NLRC4: variants seen among roughly 807,000 people sequenced by gnomAD.
NLRC4 encodes NLR family CARD domain containing 4, also known as NLR family CARD domain-containing protein 4.
In NLRC4, 63 loss-of-function variants were observed where a neutral mutation model predicts 79.9. The observed-to-expected ratio is 0.79, with a 90% CI of 0.64 to 0.97. The LOEUF (loss-of-function observed/expected upper bound fraction) is 0.97. Ranked by LOEUF, NLRC4 falls within the 50% of genes least tolerant of loss-of-function variation. The pLI, the probability that NLRC4 is intolerant of heterozygous loss-of-function variation, is 0.00. For synonymous variants in NLRC4, 461 were observed against 456.5 expected, an observed-to-expected ratio of 1.01 and a Z score of -0.12; for missense variants, 1,074 against 1,215.2, an observed-to-expected ratio of 0.88 and a Z score of 1.73.
intron 8 of NLRC4, among the ~76,000 whole-genome samples, chr2:32,233,350 T>TATATATATATATATATATATATA (rs1491211096): frequency 1.2e-4 from 3 of 24,430 alleles, no homozygotes; most frequent in African/African-American, 1.9e-4. Context: ...TATATATATA[T>TATATATATATATATATATATATA]TTTTTTTTTT....
intron 8 of NLRC4, among the ~76,000 whole-genome samples, chr2:32,228,648 A>G (rs948820689): frequency 7.2e-5 from 11 of 152,244 alleles, no homozygotes; most frequent in African/African-American, 2.2e-4. Flanking sequence ...CTCAGCAACA[A>G]TAAGATGCTA....
chr2:32,263,487 G>A (rs1687399287), intron 1 of NLRC4, among the ~76,000 whole-genome samples: 1 of 152,188 alleles, frequency 6.6e-6, no homozygotes, highest in Non-Finnish European at 1.5e-5. Flanking sequence ...GTTAATATTA[G>A]TGTTATGTGC....
chr2:32,245,742 A>G (rs1167591616), intron 4 of NLRC4, among the ~76,000 whole-genome samples: 1 of 152,192 alleles, frequency 6.6e-6, no homozygotes, highest in Non-Finnish European at 1.5e-5. Context: ...AAATATATAT[A>G]CCTACTATGT....
intron 1 of NLRC4, among the ~76,000 whole-genome samples, chr2:32,260,601 G>A (rs1422392153): frequency 6.6e-6 from 1 of 152,152 alleles, no homozygotes; most frequent in African/African-American, 2.4e-5. Context: ...CAAGCTGCAA[G>A]TATAGATAAG....
At chr2:32,236,154 T>G (rs1686667154) in intron 7 of NLRC4, 93 bp downstream of exon 7, 1 of 714,746 alleles carries the variant, frequency 1.4e-6, no homozygotes, top group African/African-American at 1.8e-5. Context: ...AAGGCACACA[T>G]GGGTATAAAA....
At chr2:32,252,746 C>T (rs757699639) in intron 2 of NLRC4, 67 bp from the exon 3 acceptor site, 83 of 1,395,722 alleles carry the variant, frequency 5.9e-5, no homozygotes, top group Admixed American at 5.4e-5. Flanking sequence ...CGGCTGGGCA[C>T]GGTGGCTCAC....
rs757848668 is a variant in NLRC4, at chr2:32,224,545, C to T, written c.3003G>A (p.Arg1001=). The T allele has an allele frequency of 2.5e-6, 4 of 1,613,838 alleles. No homozygotes were observed. The Admixed American group carries it at 6.7e-5, about 27-fold the overall frequency. ...LSKLTFLQEA[R]LVGWQFDDDD... is the part of the protein sequence containing the mutation. ...CATCATCAAATTGCCACCCAACAAG[C>T]CTAGCTTCTTGCAGAAAAGTTAACT... Residue 1001 remains arginine (R), a synonymous_variant, in exon 9 of 9, where the codon AGG becomes AGA. Transcript: ENST00000402280.
At chr2:32,252,305 A>C in intron 3 of NLRC4, 114 bp downstream of exon 3, 1 of 759,398 alleles carries the variant, frequency 1.3e-6, no homozygotes, top group Non-Finnish European at 2.2e-6. Context: ...ATCAAAGGCC[A>C]CTGCCAGGTG....
intron 1 of NLRC4, among the ~76,000 whole-genome samples, chr2:32,263,016 G>C (rs1296494874): frequency 2.6e-5 from 4 of 151,878 alleles, no homozygotes; most frequent in Middle Eastern, 3.2e-3. Context: ...ATGCCCAGCT[G>C]GAAAATAATA....
intron 1 of NLRC4, among the ~76,000 whole-genome samples, chr2:32,259,475 A>C (rs1178720010): frequency 1.3e-5 from 2 of 151,600 alleles, no homozygotes; most frequent in Non-Finnish European, 2.9e-5. Flanking sequence ...TTCATTTATC[A>C]ATCTATTTTA....
chr2:32,225,579 C>T (rs1383545874), intron 8 of NLRC4, among the ~76,000 whole-genome samples: 1 of 152,088 alleles, frequency 6.6e-6, no homozygotes, highest in African/African-American at 2.4e-5. Context: ...ACAGATTGGC[C>T]AGTATACAAC....
intron 3 of NLRC4, among the ~76,000 whole-genome samples, chr2:32,251,986 AAAC>A (rs1396821197): frequency 6.6e-6 from 1 of 152,218 alleles, no homozygotes; most frequent in African/African-American, 2.4e-5. Flanking sequence ...AAAAAAATAA[AAAC>A]AATATTTTAT....
rs568376280 is a variant in NLRC4 at position 32,224,801 on chromosome 2, AATTT to A, written c.2783-40_2783-37del. ...AAATAAGTATATTAGTTGGAAGAAA[AATTT>A]TTTTTAAAAAAAAAGAGAAATAGGT... On this transcript the variant is annotated intron_variant, in intron 8 of 8. Coordinates refer to ENST00000402280, the MANE Select transcript of NLRC4 (RefSeq NM_001199138.2). 4.8e-3 allele frequency: 5,576 copies of A among 1,162,370 alleles called. 171 individuals are homozygous for A. In the African/African-American group the frequency reaches 0.089, roughly 19 times the overall value. The allele number at this position is 1,162,370 out of a possible 1,614,324, so 72.0% of individuals were successfully genotyped here.
At chr2:32,249,335 G>T (rs1687008907) in intron 4 of NLRC4, among the ~76,000 whole-genome samples, 2 of 152,148 alleles carry the variant, frequency 1.3e-5, no homozygotes, top group South Asian at 2.1e-4. Context: ...CATGTATCAA[G>T]ACCACCTTCA....
rs773809612 is a variant in NLRC4, at chr2:32,250,954, T to C, written c.910A>G (p.Ser304Gly). Residue 304 changes from serine (S) to glycine (G), a missense_variant, in exon 4 of 9, where the codon AGC (serine) becomes GGC (glycine). Physicochemically the swap from Ser to Gly is moderately conservative, Grantham distance 56 (BLOSUM62 0). Coordinates refer to ENST00000402280, the MANE Select transcript of NLRC4 (RefSeq NM_001199138.2). This position sits in a 1 kb window ranked among gnomAD's most constrained non-coding sequence, Gnocchi z 4.9. Reference protein sequence around the residue: ...TAEVGDMTEDSAQALIREVLI... With the variant: ...TAEVGDMTEDGAQALIREVLI... ...ACTTCTCGGATGAGAGCCTGGGCGC[T>C]GTCTTCTGTCATATCCCCCACCTCA... 3 of 1,614,192 alleles carry C rather than the reference T, an allele frequency of 1.9e-6. No individual in the cohort carries two copies. The South Asian group carries it at 3.3e-5, about 18-fold the overall frequency.
chr2:32,236,424 T>TC lies in NLRC4; in HGVS notation c.2522-86_2522-85insG, dbSNP rs55638726. On this transcript the variant is annotated intron_variant, in intron 6 of 8. Coordinates refer to ENST00000402280, the MANE Select transcript of NLRC4 (RefSeq NM_001199138.2). ...AAGTATCCTTAGAATAATTCTGAGT[T>TC]TTATCTTCTCTGCTAATGGTAGTGC... 782,329 of 801,100 alleles carry TC rather than the reference T, an allele frequency of 0.98. 382,139 individuals are homozygous for TC. The highest frequency in any genetic ancestry group is 1 in the East Asian group (37,744 of 37,756). 49.6% of individuals were successfully genotyped at this position (801,100 alleles called of 1,614,324 possible).
intron 8 of NLRC4, among the ~76,000 whole-genome samples, chr2:32,225,409 A>G (rs1191475278): frequency 1.3e-5 from 2 of 149,080 alleles, no homozygotes; most frequent in South Asian, 2.2e-4. Context: ...CATACAAAGG[A>G]TGTGTGTGTG....
At chr2:32,234,568 A>G (rs1469419046) in intron 8 of NLRC4, among the ~76,000 whole-genome samples, 1 of 152,220 alleles carries the variant, frequency 6.6e-6, no homozygotes, top group Admixed American at 6.5e-5. Flanking sequence ...TAATGTTTCC[A>G]TACGCTGGAT....
intron 1 of NLRC4, among the ~76,000 whole-genome samples, chr2:32,258,465 G>A (rs1169205132): frequency 2.0e-5 from 3 of 152,200 alleles, no homozygotes; most frequent in Non-Finnish European, 4.4e-5. Context: ...GTGGGCACAG[G>A]CCTGGGGGTG....
Sources: gnomAD v4.1 joint callset for allele counts (sites outside exome capture counted in the v4.1 genomes callset) on GRCh38, gnomAD v4.1.1 for gene constraint, Gnocchi (gnomAD v3.1) non-coding constraint, MANE v1.5 for transcripts, NCBI Gene and HGNC (gene_info 2026-07-23, HGNC 2026-07-21) for gene names.